Variants in MLLT3 observed in about 807,000 individuals in gnomAD.
MLLT3 encodes protein AF-9.
A neutral mutation model predicts 53.2 loss-of-function variants in MLLT3; 4 were observed. The ratio of observed to expected loss-of-function variants is 0.08; its 90% CI spans 0.04 to 0.17. MLLT3 has a LOEUF of 0.17. Ranked by LOEUF, MLLT3 falls within the 10% of genes least tolerant of loss-of-function variation. MLLT3 has a pLI of 1.00. For synonymous variants in MLLT3, 283 were observed against 230.6 expected (o/e 1.23, Z -2.06); for missense variants, 569 against 684.0 (o/e 0.83, Z 1.87).
At position 20,551,999 on chromosome 9, in the gene MLLT3, C is replaced by T. The variant is rs368463336; in HGVS notation, c.193+68655G>A. The stretch of plus-strand genomic sequence containing the variant: ...TACACTTGCTTCCCTCTCTGAGTTG[C>T]CAAGTCATCAGATCCACCCACCCGG... On this transcript the variant is annotated intron_variant, in intron 2 of 10. Transcript: ENST00000380338. Among the ~76,000 whole-genome samples the T allele has an allele frequency of 1.1e-4, 16 of 152,258 alleles. No individual in the cohort carries two copies. In the South Asian group the frequency reaches 3.3e-3, roughly 32 times the overall value.
chr9:20,404,827 G>C (rs1333013572), intron 5 of MLLT3, among the ~76,000 whole-genome samples: 1 of 152,056 alleles, frequency 6.6e-6, no homozygotes, highest in Non-Finnish European at 1.5e-5. Flanking sequence ...TTTATTCCAA[G>C]TGTAGACTCT....
At chr9:20,481,214 T>C (rs1824653798) in intron 2 of MLLT3, among the ~76,000 whole-genome samples, 2 of 152,228 alleles carry the variant, frequency 1.3e-5, no homozygotes, top group South Asian at 2.1e-4. Flanking sequence ...GGAATATTAA[T>C]ATACTTTTTC....
chr9:20,479,678 A>G (rs1180435977), intron 2 of MLLT3, among the ~76,000 whole-genome samples: 1 of 152,214 alleles, frequency 6.6e-6, no homozygotes, highest in Non-Finnish European at 1.5e-5. Flanking sequence ...GAGTGATAGT[A>G]TCTGTCCTAG....
At position 20,496,941 on chromosome 9, in the gene MLLT3, C is replaced by T. The variant is rs145342058; in HGVS notation, c.194-40155G>A. Among the ~76,000 whole-genome samples the T allele has an allele frequency of 6.2e-3, 942 of 152,306 alleles. 8 individuals are homozygous for T. Among genetic ancestry groups the T allele is most frequent in the African/African-American group, 0.02 (845 of 41,568 alleles). On this transcript the variant is annotated intron_variant, in intron 2 of 10. Coordinates refer to ENST00000380338, the MANE Select transcript of MLLT3 (RefSeq NM_004529.4). ...CAGACTAAGTGGGGACACCACTGAT[C>T]CTCCAACTTCCCTCTTGGACTTTCA...
intron 5 of MLLT3, chr9:20,411,292 C>T (rs1003411992): frequency 1.3e-5 from 2 of 153,472 alleles, no homozygotes; most frequent in Non-Finnish European, 2.9e-5. Flanking sequence ...ACAGTCCAAA[C>T]AAAGCCTGTC....
At chr9:20,515,962 A>G (rs1195754943) in intron 2 of MLLT3, among the ~76,000 whole-genome samples, 2 of 152,246 alleles carry the variant, frequency 1.3e-5, no homozygotes, top group African/African-American at 4.8e-5. Flanking sequence ...AAAAAGACTC[A>G]CAAGCAATGT....
chr9:20,392,062 G>A (rs904519193), intron 5 of MLLT3, among the ~76,000 whole-genome samples: 1 of 152,084 alleles, frequency 6.6e-6, no homozygotes, highest in Admixed American at 6.6e-5. Context: ...TCGGTAAGCG[G>A]GAACTTCACC....
chr9:20,589,661 A>C (rs1033518531), intron 2 of MLLT3, among the ~76,000 whole-genome samples: 1 of 148,956 alleles, frequency 6.7e-6, no homozygotes, highest in African/African-American at 2.5e-5. Flanking sequence ...GTATTTCTTG[A>C]AAGTTTCTTC....
chr9:20,542,621 G>A (rs566439657), intron 2 of MLLT3, among the ~76,000 whole-genome samples: 1 of 152,282 alleles, frequency 6.6e-6, no homozygotes, highest in South Asian at 2.1e-4. Flanking sequence ...AAGCCATGCA[G>A]TAAACAGATG....
chr9:20,412,178 A>G (rs961014401), intron 5 of MLLT3, among the ~76,000 whole-genome samples: 2 of 152,210 alleles, frequency 1.3e-5, no homozygotes, highest in African/African-American at 4.8e-5. Flanking sequence ...TCACAACCCA[A>G]CAGCATTTCA....
intron 2 of MLLT3, among the ~76,000 whole-genome samples, chr9:20,522,940 C>T (rs987939936): frequency 6.6e-6 from 1 of 151,568 alleles, no homozygotes; most frequent in Non-Finnish European, 1.5e-5. Context: ...CCAGCCTGGG[C>T]AACAGAGTGA....
intron 5 of MLLT3, among the ~76,000 whole-genome samples, chr9:20,399,010 G>A (rs190791089): frequency 4.6e-5 from 7 of 152,188 alleles, no homozygotes; most frequent in Non-Finnish European, 7.4e-5. Context: ...GGGCTGCCCG[G>A]GCAGGTAAGA....
chr9:20,423,001 A>G (rs748277795), intron 4 of MLLT3, among the ~76,000 whole-genome samples: 3 of 152,178 alleles, frequency 2.0e-5, no homozygotes, highest in Non-Finnish European at 2.9e-5. Flanking sequence ...ACGAATATCA[A>G]TGTGCCCAAA....
chr9:20,544,183 A>G (rs919905978), intron 2 of MLLT3, among the ~76,000 whole-genome samples: 2 of 152,248 alleles, frequency 1.3e-5, no homozygotes, highest in Non-Finnish European at 2.9e-5. Context: ...ATTAAGACCA[A>G]AACATAACAC....
rs1821377496 is a variant in MLLT3 at position 20,363,563 on chromosome 9, T to C, written c.1244A>G (p.Asn415Ser). The C allele has an allele frequency of 3.1e-6, 5 of 1,613,978 alleles. No individual in the cohort carries two copies. The highest frequency in any genetic ancestry group is 4.2e-6 in the Non-Finnish European group (5 of 1,179,898). The change falls in exon 7 of 11, where the codon AAT (asparagine) becomes AGT (serine). Residue 415 changes from asparagine to serine, a missense_variant. Transcript: ENST00000380338. ...CTCCACTTCATCTGATTCCTCCTCA[T>C]TGTCATCAGAATGCAGATCTTTCAT... Reference protein sequence around the residue: ...SIMKDLHSDDNEEESDEVEDN... With the variant: ...SIMKDLHSDDSEEESDEVEDN...
intron 2 of MLLT3, among the ~76,000 whole-genome samples, chr9:20,576,921 A>G (rs1819669149): frequency 6.6e-6 from 1 of 152,140 alleles, no homozygotes; most frequent in African/African-American, 2.4e-5. Context: ...CATGAGAATC[A>G]CCTGAGCCCA....
chr9:20,554,801 G>A (rs1819013157), intron 2 of MLLT3, among the ~76,000 whole-genome samples: 1 of 152,072 alleles, frequency 6.6e-6, no homozygotes, highest in Non-Finnish European at 1.5e-5. Context: ...TTTTGTTCTT[G>A]ACCATTTGCT....
Position 20,621,830 on chromosome 9 carries a change from C to T in MLLT3, c.12+415G>A. 1 of 1,409,388 alleles carries T rather than the reference C, an allele frequency of 7.1e-7. No homozygotes were observed. Among genetic ancestry groups the T allele is most frequent in the Non-Finnish European group, 9.1e-7 (1 of 1,093,222 alleles). 87.3% of individuals were successfully genotyped at this position (1,409,388 alleles called of 1,614,324 possible). A position where few individuals can be genotyped will look rare whatever the true frequency, so the allele number is the denominator to read the frequency against. On this transcript the variant is annotated intron_variant, in intron 1 of 10. Coordinates refer to ENST00000380338, the MANE Select transcript of MLLT3 (RefSeq NM_004529.4). This position sits in a 1 kb window ranked among gnomAD's most constrained non-coding sequence, Gnocchi z 7.0. The stretch of plus-strand genomic sequence containing the variant: ...CGGCCGCCGAGGCTGCTCGCCGCGT[C>T]CCCGGACTGTGCCCGCAGCTCCCGG...
intron 4 of MLLT3, chr9:20,418,239 C>A (rs1160367258): frequency 6.6e-6 from 1 of 152,186 alleles, no homozygotes; most frequent in Middle Eastern, 3.4e-3. Flanking sequence ...GGTAAGGTTC[C>A]AAAATACAAG....
Sources: allele counts gnomAD v4.1 joint callset (sites outside exome capture counted in the v4.1 genomes callset), GRCh38; gene constraint gnomAD v4.1.1; non-coding constraint Gnocchi (gnomAD v3.1); transcripts MANE v1.5; gene names NCBI Gene and HGNC (gene_info 2026-07-23, HGNC 2026-07-21).